Variants in STON1 observed in about 807,000 individuals in gnomAD.
STON1 encodes stonin 1, also known as stonin-1.
STON1 carries 79 observed loss-of-function variants against 60.9 expected under a neutral mutation model. The ratio of observed to expected loss-of-function variants is 1.30; its 90% CI spans 1.08 to 1.56. The LOEUF (loss-of-function observed/expected upper bound fraction) is 1.56. Among genes scored for constraint, STON1 ranks in the 40% most tolerant of loss-of-function variants. STON1 has a pLI of 0.00. For synonymous variants in STON1, 363 were observed against 306.9 expected (o/e 1.18, Z -1.91); for missense variants, 1,166 against 858.9 (o/e 1.36, Z -4.47).
intron 2 of STON1, among the ~76,000 whole-genome samples, chr2:48,583,972 A>G (rs566597025): frequency 6.6e-6 from 1 of 151,618 alleles, no homozygotes; most frequent in Non-Finnish European, 1.5e-5. Context: ...GGTGGTCTCA[A>G]ACTCCTGACT....
intron 1 of STON1, among the ~76,000 whole-genome samples, chr2:48,553,688 A>T (rs11688465): frequency 1.3e-5 from 2 of 151,950 alleles, no homozygotes; most frequent in Non-Finnish European, 2.9e-5. Flanking sequence ...CAGTTTTATC[A>T]TGTTGGCCAG....
At chr2:48,546,980 A>G (rs906593648) in intron 1 of STON1, among the ~76,000 whole-genome samples, 2 of 152,246 alleles carry the variant, frequency 1.3e-5, no homozygotes, top group African/African-American at 2.4e-5. Flanking sequence ...CAAAGCACAT[A>G]GTAGGTGCTT....
At chr2:48,579,004 CT>C (rs148221986) in intron 1 of STON1, among the ~76,000 whole-genome samples, 95 of 146,308 alleles carry the variant, frequency 6.5e-4, no homozygotes, top group Admixed American at 6.9e-4. Context: ...TTCAACACCA[CT>C]TTTTTTTTTT....
At chr2:48,551,235 TG>T (rs1672090693) in intron 1 of STON1, among the ~76,000 whole-genome samples, 1 of 152,150 alleles carries the variant, frequency 6.6e-6, no homozygotes, top group Admixed American at 6.5e-5. Flanking sequence ...GAGAATGGGT[TG>T]GACTATAGAT....
chr2:48,583,672 T>C (rs2103925418), intron 2 of STON1, among the ~76,000 whole-genome samples: 1 of 151,420 alleles, frequency 6.6e-6, no homozygotes, highest in South Asian at 2.1e-4. Context: ...TGGAGTTAAA[T>C]TGGAGGTGGG....
intron 2 of STON1, among the ~76,000 whole-genome samples, chr2:48,589,822 A>C (rs1269162435): frequency 1.3e-5 from 2 of 152,244 alleles, no homozygotes; most frequent in African/African-American, 2.4e-5. Context: ...AAATTATAGT[A>C]ATTAAATAAT....
rs932829575 is a variant in STON1, at chr2:48,598,225, C to G, written c.*2923C>G. The G allele has an allele frequency of 5.3e-5, 8 of 152,178 alleles. No individual in the cohort carries two copies. Among genetic ancestry groups the G allele is most frequent in the Admixed American group, 2.0e-4 (3 of 15,288 alleles). 9.4% of individuals were successfully genotyped at this position (152,178 alleles called of 1,614,324 possible). ...TAAAAAAAGATATGTAAAAAAGATA[C>G]TTTCCAGCACATAAATAAAGGCTGG... is the stretch of plus-strand genomic sequence containing the variant. On this transcript the variant is annotated 3_prime_UTR_variant, in exon 4 of 4. Transcript: ENST00000404752.
chr2:48,575,978 G>A (rs1230887429), intron 1 of STON1, among the ~76,000 whole-genome samples: 6 of 151,298 alleles, frequency 4.0e-5, no homozygotes, highest in African/African-American at 7.3e-5. Context: ...GGCTGGTCTT[G>A]AACTCCTGGT....
At chr2:48,547,869 C>T (rs1315230419) in intron 1 of STON1, among the ~76,000 whole-genome samples, 3 of 152,236 alleles carry the variant, frequency 2.0e-5, no homozygotes, top group Admixed American at 1.3e-4. Flanking sequence ...GAAGAGTTTA[C>T]GCAGCACAGG....
chr2:48,535,492 C>T (rs1341323204), intron 1 of STON1, among the ~76,000 whole-genome samples: 4 of 152,076 alleles, frequency 2.6e-5, no homozygotes, highest in Non-Finnish European at 1.5e-5. Flanking sequence ...CCTTGAGATC[C>T]CCAGAAGGAT....
At chr2:48,594,772 A>G (rs1674707348) in intron 3 of STON1, among the ~76,000 whole-genome samples, 1 of 152,140 alleles carries the variant, frequency 6.6e-6, no homozygotes, top group African/African-American at 2.4e-5. Context: ...GGTTTTTGCC[A>G]TTAGTTTTGC....
chr2:48,576,561 C>T (rs1384655194), intron 1 of STON1, among the ~76,000 whole-genome samples: 1 of 149,842 alleles, frequency 6.7e-6, no homozygotes, highest in African/African-American at 2.5e-5. Flanking sequence ...TGATAGATAC[C>T]TCGTTGTAGT....
intron 2 of STON1, among the ~76,000 whole-genome samples, chr2:48,590,272 A>G (rs748852693): frequency 1.3e-5 from 2 of 152,206 alleles, no homozygotes; most frequent in Non-Finnish European, 2.9e-5. Flanking sequence ...GCTAATGAGC[A>G]TCTGTTGGTT....
chr2:48,588,765 C>T (rs1476365265), intron 2 of STON1, among the ~76,000 whole-genome samples: 8 of 152,002 alleles, frequency 5.3e-5, no homozygotes, highest in Non-Finnish European at 1.2e-4. Context: ...GGGGAAATCA[C>T]CTGTGATTTC....
At chr2:48,537,853 A>AAAAAAAAAAGAAAAAAAAAGG (rs1671491282) in intron 1 of STON1, among the ~76,000 whole-genome samples, 5 of 151,876 alleles carry the variant, frequency 3.3e-5, no homozygotes, top group African/African-American at 1.2e-4. Context: ...TCATCTCAAA[A>AAAAAAAAAAGAAAAAAAAAGG]AAAAAAAAAG....
In STON1 at chr2:48,595,557, A is replaced by G. The variant is rs1173864356; in HGVS notation, c.*255A>G. Reference sequence around the variant, plus strand: ...GATGTTTTGCTTCCTATTGAAACTCAAAGGCACTGTTACTCGTTGTGTGAC... The same window carrying G: ...GATGTTTTGCTTCCTATTGAAACTCGAAGGCACTGTTACTCGTTGTGTGAC... On this transcript the variant is annotated 3_prime_UTR_variant, in exon 4 of 4. Coordinates refer to ENST00000404752, the MANE Select transcript of STON1 (RefSeq NM_006873.4). 1 of 440,400 alleles carries G rather than the reference A, an allele frequency of 2.3e-6. No homozygotes were observed. Among genetic ancestry groups the G allele is most frequent in the South Asian group, 2.6e-5 (1 of 39,052 alleles). The allele number at this position is 440,400 out of a possible 1,614,324, so 27.3% of individuals were successfully genotyped here. A position where few individuals can be genotyped will look rare whatever the true frequency, so the allele number is the denominator to read the frequency against.
At chr2:48,586,448 G>T (rs1323292199) in intron 2 of STON1, among the ~76,000 whole-genome samples, 1 of 152,208 alleles carries the variant, frequency 6.6e-6, no homozygotes, top group East Asian at 1.9e-4. Context: ...ATAGTTCCAG[G>T]CTTGGACAAA....
chr2:48,546,161 A>C (rs1671857600), intron 1 of STON1, among the ~76,000 whole-genome samples: 1 of 151,970 alleles, frequency 6.6e-6, no homozygotes, highest in African/African-American at 2.4e-5. Flanking sequence ...ACTCTTTCTA[A>C]AATTCTGATT....
At position 48,591,679 on chromosome 2, in the gene STON1, T is replaced by G; in HGVS notation, c.1957T>G (p.Tyr653Asp). The change falls in exon 3 of 4, where the codon TAC (tyrosine) becomes GAC (aspartate). Residue 653 changes from tyrosine to aspartate, a missense_variant. Physicochemically the swap from Tyr to Asp is radical, Grantham distance 160. Coordinates refer to ENST00000404752, the MANE Select transcript of STON1 (RefSeq NM_006873.4). ...TCTAGATCATCCCCATTGTCTGTCATACAAATTAGAGCTTGGATCAGACCA... is the reference window on the plus strand; with the variant it reads ...TCTAGATCATCCCCATTGTCTGTCAGACAAATTAGAGCTTGGATCAGACCA... ...SSLDHPHCLS[Y>D]KLELGSDQEI... 6.2e-7 allele frequency: 1 copy of G among 1,614,118 alleles called. No homozygotes were observed. The highest frequency in any genetic ancestry group is 8.5e-7 in the Non-Finnish European group (1 of 1,180,028).
Sources: gnomAD v4.1 joint callset for allele counts (sites outside exome capture counted in the v4.1 genomes callset) on GRCh38, gnomAD v4.1.1 for gene constraint, MANE v1.5 for transcripts, NCBI Gene and HGNC (gene_info 2026-07-23, HGNC 2026-07-21) for gene names.